The following DPYS variants were observed in gnomAD, a reference collection of about 807,000 sequenced individuals.
DPYS encodes the protein dihydropyrimidine amidohydrolase.
Under a neutral mutation model 50.3 loss-of-function variants are expected in DPYS, and 39 were observed. That is an observed-to-expected ratio of 0.78 (90% CI 0.60 to 1.01). The LOEUF (loss-of-function observed/expected upper bound fraction) is 1.01. Ranked by LOEUF, DPYS falls within the 50% of genes least tolerant of loss-of-function variation. The pLI is 0.00. For missense variants in DPYS, 659 were observed against 680.9 expected (o/e 0.97, Z 0.36); for synonymous variants, 245 against 250.7 (o/e 0.98, Z 0.22).
intron 1 of DPYS, among the ~76,000 whole-genome samples, chr8:104,456,478 A>G (rs1813929986): frequency 6.6e-6 from 1 of 152,214 alleles, no homozygotes; most frequent in Admixed American, 6.5e-5. Context: ...GGAGCAGGAA[A>G]GAGACAGGAG....
At chr8:104,434,633 T>C (rs929056412) in intron 4 of DPYS, among the ~76,000 whole-genome samples, 4 of 152,288 alleles carry the variant, frequency 2.6e-5, no homozygotes, top group Non-Finnish European at 4.4e-5. Context: ...CAATCAAATA[T>C]ACAAACACAT....
intron 3 of DPYS, among the ~76,000 whole-genome samples, chr8:104,446,112 T>C (rs527341257): frequency 6.6e-6 from 1 of 152,198 alleles, no homozygotes; most frequent in Non-Finnish European, 1.5e-5. Flanking sequence ...AATAATATAA[T>C]TGGATTGTTT....
At chr8:104,440,435 C>A (rs1276249416) in intron 4 of DPYS, among the ~76,000 whole-genome samples, 6 of 152,148 alleles carry the variant, frequency 3.9e-5, no homozygotes, top group Admixed American at 6.5e-5. Context: ...AATGTGGAGG[C>A]TGCATTCTAG....
At chr8:104,383,406 G>A (rs376894333) in intron 8 of DPYS, among the ~76,000 whole-genome samples, 12 of 152,158 alleles carry the variant, frequency 7.9e-5, no homozygotes, top group African/African-American at 2.9e-4. Context: ...CAGACAGAGG[G>A]CCGGTGTGCT....
chr8:104,385,251 T>C (rs537778576), intron 8 of DPYS, among the ~76,000 whole-genome samples: 4 of 152,336 alleles, frequency 2.6e-5, no homozygotes, highest in African/African-American at 9.6e-5. Context: ...TTAATGCCTA[T>C]ATCCTCAGCA....
At chr8:104,457,269 C>T (rs752037819) in intron 1 of DPYS, among the ~76,000 whole-genome samples, 3 of 152,140 alleles carry the variant, frequency 2.0e-5, no homozygotes, top group East Asian at 1.9e-4. Flanking sequence ...AAGTGACTGA[C>T]GGGCAGGGAG....
intron 8 of DPYS, among the ~76,000 whole-genome samples, chr8:104,390,449 G>A (rs114079737): frequency 0.01 from 1,582 of 151,822 alleles, 33 homozygotes; most frequent in African/African-American, 0.036. Context: ...ACACTTGCTT[G>A]TGTGACTTGG....
intron 8 of DPYS, among the ~76,000 whole-genome samples, chr8:104,384,947 C>T (rs1811164779): frequency 1.3e-5 from 2 of 152,208 alleles, no homozygotes; most frequent in African/African-American, 4.8e-5. Context: ...CTCTTCTCCT[C>T]CACCTCTGAA....
Position 104,392,782 on chromosome 8 carries a change from A to G in DPYS, c.1443+2T>C. 1 of 1,614,024 alleles carries G rather than the reference A, an allele frequency of 6.2e-7. No homozygotes were observed. The highest frequency in any genetic ancestry group is 8.5e-7 in the Non-Finnish European group (1 of 1,179,974). On this transcript the variant is annotated splice_donor_variant, in intron 8 of 9. Coordinates refer to ENST00000351513, the MANE Select transcript of DPYS (RefSeq NM_001385.3). LOFTEE classifies it high-confidence loss of function. The stretch of plus-strand genomic sequence containing the variant: ...GGCAGTATCCCACTGTGGCACACTC[A>G]CCCGGTCTCGCTGCTTTATTCGTTT...
rs189094959 is a variant in DPYS, at chr8:104,410,949, C to A, written c.1235+13298G>T. ...CTCCAAGGATTCGGTTAGTGCAAAG[C>A]CCCTTCCCAAGCCCAAACCAGTCAT... On this transcript the variant is annotated intron_variant, in intron 7 of 9. Coordinates refer to ENST00000351513, the MANE Select transcript of DPYS (RefSeq NM_001385.3). Among the ~76,000 whole-genome samples, 11 of 152,254 alleles carry A rather than the reference C, an allele frequency of 7.2e-5. No homozygotes were observed. The East Asian group carries it at 1.7e-3, about 24-fold the overall frequency.
At chr8:104,399,249 C>A (rs1811697063) in intron 7 of DPYS, among the ~76,000 whole-genome samples, 1 of 129,316 alleles carries the variant, frequency 7.7e-6, no homozygotes. Context: ...CAAGATGGTA[C>A]CACTGAACTC....
intron 3 of DPYS, 139 bp from the exon 4 acceptor site, chr8:104,444,576 G>A (rs191280617): frequency 2.5e-4 from 187 of 758,070 alleles, no homozygotes; most frequent in African/African-American, 2.3e-3. Flanking sequence ...GTGTGTGTGT[G>A]TATATGAACA....
intron 7 of DPYS, among the ~76,000 whole-genome samples, chr8:104,416,244 C>T (rs1812364072): frequency 6.6e-6 from 1 of 152,136 alleles, no homozygotes; most frequent in Admixed American, 6.5e-5. Flanking sequence ...GATATTTGTT[C>T]CTCAAGGTGC....
chr8:104,389,149 G>A (rs1413670268), intron 8 of DPYS, among the ~76,000 whole-genome samples: 1 of 152,238 alleles, frequency 6.6e-6, no homozygotes, highest in Non-Finnish European at 1.5e-5. Context: ...TGTACTCTGT[G>A]CTTTGGGAGT....
At chr8:104,397,141 G>C (rs1334229229) in intron 7 of DPYS, among the ~76,000 whole-genome samples, 1 of 152,126 alleles carries the variant, frequency 6.6e-6, no homozygotes, top group Non-Finnish European at 1.5e-5. Flanking sequence ...TTTCCCTAAA[G>C]GCCCTCCTCA....
At chr8:104,381,425 T>C in intron 8 of DPYS, 111 bp from the exon 9 acceptor site, 1 of 984,120 alleles carries the variant, frequency 1.0e-6, no homozygotes, top group Non-Finnish European at 1.6e-6. Context: ...CTTATAAATT[T>C]ATCACGTGCC....
At chr8:104,412,880 T>TTTG (rs1175925331) in intron 7 of DPYS, among the ~76,000 whole-genome samples, 2 of 152,344 alleles carry the variant, frequency 1.3e-5, no homozygotes, top group Admixed American at 6.5e-5. Context: ...ACTATGTCTC[T>TTTG]GGCACATGGT....
chr8:104,440,385 G>T (rs1370601358), intron 4 of DPYS, among the ~76,000 whole-genome samples: 1 of 152,100 alleles, frequency 6.6e-6, no homozygotes, highest in Non-Finnish European at 1.5e-5. Flanking sequence ...CTGATTCAGG[G>T]AATCTGGATG....
rs547558760 is a variant in DPYS, at chr8:104,432,209, G to T, written c.794-2508C>A. Among the ~76,000 whole-genome samples the T allele has an allele frequency of 2.6e-5, 4 of 152,008 alleles. No individual in the cohort carries two copies. The South Asian group carries it at 8.3e-4, about 32-fold the overall frequency. On this transcript the variant is annotated intron_variant, in intron 4 of 9. Coordinates refer to ENST00000351513, the MANE Select transcript of DPYS (RefSeq NM_001385.3). Reference sequence around the variant, plus strand: ...TTCTCTCCTTATTTCTCCATTTTTTGGCTCAAACCCAAACAAACAAAAGAT... The same window carrying T: ...TTCTCTCCTTATTTCTCCATTTTTTTGCTCAAACCCAAACAAACAAAAGAT...
Sources: allele counts gnomAD v4.1 joint callset (sites outside exome capture counted in the v4.1 genomes callset), GRCh38; gene constraint gnomAD v4.1.1; transcripts MANE v1.5; gene names NCBI Gene and HGNC (gene_info 2026-07-23, HGNC 2026-07-21).